The following MAP2 variants were observed in gnomAD, a reference collection of about 807,000 sequenced individuals.
MAP2 encodes the protein microtubule-associated protein 2.
MAP2 carries 14 observed loss-of-function variants against 137.6 expected under a neutral mutation model. The ratio of observed to expected loss-of-function variants is 0.10; its 90% confidence interval spans 0.07 to 0.16. The LOEUF is 0.16. MAP2 is among the 10% of genes least tolerant of loss of function. The pLI is 1.00. For missense variants in MAP2, 2,088 were observed against 2,191.5 expected (o/e 0.95, Z 0.94); for synonymous variants, 786 against 782.3 (o/e 1.00, Z -0.08).
chr2:209,599,149 G>A (rs931801175), intron 3 of MAP2, among the ~76,000 whole-genome samples: 2 of 152,164 alleles, frequency 1.3e-5, no homozygotes, highest in African/African-American at 4.8e-5. Flanking sequence ...TCTAACTGGT[G>A]TGAGATGATA....
chr2:209,604,791 G>C (rs1277573937), intron 3 of MAP2, among the ~76,000 whole-genome samples: 1 of 152,160 alleles, frequency 6.6e-6, no homozygotes, highest in African/African-American at 2.4e-5. Flanking sequence ...GATAATTATA[G>C]TTTGCCAAGC....
At chr2:209,439,773 T>C (rs1278614784) in intron 1 of MAP2, among the ~76,000 whole-genome samples, 1 of 151,484 alleles carries the variant, frequency 6.6e-6, no homozygotes, top group Non-Finnish European at 1.5e-5. Flanking sequence ...TAAAATTGTA[T>C]AAAGTTTATA....
At chr2:209,684,322 A>G (rs1429209583) in intron 7 of MAP2, among the ~76,000 whole-genome samples, 1 of 152,170 alleles carries the variant, frequency 6.6e-6, no homozygotes, top group African/African-American at 2.4e-5. Flanking sequence ...ATCTGAAAGT[A>G]GTTTTCTCTT....
Position 209,732,467 on chromosome 2 carries a change from G to A in MAP2, c.*2070G>A, listed in dbSNP as rs937815570. ...CTTAGGATCATTATATCTATTTTCTGCCTATTAATTGCTGTGAGGTTTGAT... is the reference window on the plus strand; with the variant it reads ...CTTAGGATCATTATATCTATTTTCTACCTATTAATTGCTGTGAGGTTTGAT... On this transcript the variant is annotated 3_prime_UTR_variant, in exon 16 of 16. Coordinates refer to ENST00000682079, the MANE Select transcript of MAP2 (RefSeq NM_001375505.1). 6.6e-6 allele frequency: 1 copy of A among 152,100 alleles called. No homozygotes were observed. The highest frequency in any genetic ancestry group is 1.5e-5 in the Non-Finnish European group (1 of 68,016). 9.4% of individuals were successfully genotyped at this position (152,100 alleles called of 1,614,324 possible). A position where few individuals can be genotyped will look rare whatever the true frequency, so the allele number is the denominator to read the frequency against.
chr2:209,573,298 G>GTTTTTTTTTTTTTTTTTTTGTGT, intron 2 of MAP2, among the ~76,000 whole-genome samples: 1 of 120,070 alleles, frequency 8.3e-6, no homozygotes, highest in Non-Finnish European at 1.7e-5. Flanking sequence ...TTCTTTTTCT[G>GTTTTTTTTTTTTTTTTTTTGTGT]TTTTTTTTTT....
In MAP2 at chr2:209,695,514, C is replaced by T. The variant is rs1477870192; in HGVS notation, c.3344C>T (p.Ala1115Val). 12 of 1,614,066 alleles carry T rather than the reference C, an allele frequency of 7.4e-6. No homozygotes were observed. The highest frequency in any genetic ancestry group is 1.0e-5 in the Non-Finnish European group (12 of 1,180,010). The change falls in exon 8 of 16, where the codon GCC (alanine) becomes GTC (valine). Residue 1115 changes from alanine (A) to valine (V), a missense_variant. Transcript: ENST00000682079. ...VSETEVKEKVAKPDLVHQEAV... is the reference protein window; with the variant it reads ...VSETEVKEKVVKPDLVHQEAV... ...GAGACAGAAGTCAAAGAGAAGGTGGCCAAGCCTGACTTGGTGCACCAGGAG... is the reference window on the plus strand; with the variant it reads ...GAGACAGAAGTCAAAGAGAAGGTGGTCAAGCCTGACTTGGTGCACCAGGAG...
chr2:209,729,997 T>TACCTGGAGGTGGTAATGTCAAGG, intron 15 of MAP2, 35 bp downstream of exon 15: 3 of 1,442,020 alleles, frequency 2.1e-6, no homozygotes, highest in Non-Finnish European at 2.9e-6. Context: ...TCTTGTCTTT[T>TACCTGGAGGTGGTAATGTCAAGG]TAAAAAAAAT....
chr2:209,541,123 C>T (rs1479794487), intron 2 of MAP2, among the ~76,000 whole-genome samples: 8 of 151,036 alleles, frequency 5.3e-5, no homozygotes, highest in Non-Finnish European at 1.0e-4. Flanking sequence ...TTCCGCCTCC[C>T]GGGTTCAAGC....
chr2:209,712,500 G>A (rs142898226), intron 13 of MAP2, among the ~76,000 whole-genome samples: 58 of 152,244 alleles, frequency 3.8e-4, no homozygotes, highest in African/African-American at 1.3e-3. Flanking sequence ...GTGGAGTTAT[G>A]AGGTAACTTT....
intron 13 of MAP2, among the ~76,000 whole-genome samples, chr2:209,718,628 T>A (rs1425426037): frequency 2.0e-5 from 3 of 152,206 alleles, no homozygotes; most frequent in Admixed American, 6.5e-5. Context: ...AGTGTGGTTC[T>A]ACTTTCTGTG....
At chr2:209,705,938 C>T (rs918444809) in intron 12 of MAP2, among the ~76,000 whole-genome samples, 1 of 152,008 alleles carries the variant, frequency 6.6e-6, no homozygotes. Flanking sequence ...TAACATATTA[C>T]CCTATTATCT....
chr2:209,623,292 G>A (rs2091642037), intron 3 of MAP2, among the ~76,000 whole-genome samples: 4 of 152,170 alleles, frequency 2.6e-5, no homozygotes, highest in Admixed American at 1.3e-4. Context: ...TTTAAAAAAG[G>A]CAGCAGCAGG....
chr2:209,670,359 G>A (rs528465477), intron 5 of MAP2, among the ~76,000 whole-genome samples: 2 of 152,028 alleles, frequency 1.3e-5, no homozygotes, highest in African/African-American at 4.8e-5. Flanking sequence ...TAACGATACT[G>A]GCTTACCATA....
At chr2:209,486,840 T>A (rs2058453634) in intron 1 of MAP2, among the ~76,000 whole-genome samples, 1 of 152,226 alleles carries the variant, frequency 6.6e-6, no homozygotes. Flanking sequence ...TCTTGACTAG[T>A]ACAGTTGAAA....
intron 5 of MAP2, among the ~76,000 whole-genome samples, chr2:209,659,509 A>AGTTGCAGCAGT (rs2042415201): frequency 6.6e-6 from 1 of 152,188 alleles, no homozygotes; most frequent in Non-Finnish European, 1.5e-5. Context: ...TGCAGCAGTT[A>AGTTGCAGCAGT]TCGATTACAG....
At chr2:209,720,657 A>C (rs2070238289) in intron 13 of MAP2, among the ~76,000 whole-genome samples, 2 of 151,782 alleles carry the variant, frequency 1.3e-5, no homozygotes, top group South Asian at 2.1e-4. Context: ...AAAAAAAAAA[A>C]AAAACTTGAA....
intron 1 of MAP2, among the ~76,000 whole-genome samples, chr2:209,453,680 A>G (rs1259167325): frequency 6.6e-6 from 1 of 152,214 alleles, no homozygotes; most frequent in Admixed American, 6.5e-5. Flanking sequence ...TTCTTGTTTA[A>G]AATTTTTTTT....
chr2:209,455,943 T>C (rs1400497125), intron 1 of MAP2, among the ~76,000 whole-genome samples: 1 of 150,686 alleles, frequency 6.6e-6, no homozygotes, highest in African/African-American at 2.4e-5. Flanking sequence ...TTAAACATGA[T>C]ATCTACACTA....
chr2:209,461,072 T>C (rs184139608), intron 1 of MAP2, among the ~76,000 whole-genome samples: 25 of 152,210 alleles, frequency 1.6e-4, no homozygotes, highest in South Asian at 8.3e-4. Flanking sequence ...TTTGAAGATA[T>C]AAACTTGTTT....
Sources: allele counts gnomAD v4.1 joint callset (sites outside exome capture counted in the v4.1 genomes callset), GRCh38; gene constraint gnomAD v4.1.1; transcripts MANE v1.5; gene names NCBI Gene and HGNC (gene_info 2026-07-23, HGNC 2026-07-21).